The following NUP133 variants were observed in gnomAD, a reference collection of about 807,000 sequenced individuals.
The protein encoded by NUP133 is nucleoporin 133.
Under a neutral mutation model 146.2 loss-of-function variants are expected in NUP133, and 66 were observed. The ratio of observed to expected loss-of-function variants is 0.45; its 90% CI spans 0.37 to 0.55. The LOEUF (loss-of-function observed/expected upper bound fraction) is 0.55, where lower values mean the gene tolerates loss of function less well. Among genes scored for constraint, NUP133 ranks in the 20% least tolerant of loss-of-function variants. NUP133 has a pLI of 0.00. For missense variants in NUP133, 1,277 were observed against 1,374.8 expected, an observed-to-expected ratio of 0.93 and a Z score of 1.12; for synonymous variants, 521 against 498.8, an observed-to-expected ratio of 1.04 and a Z score of -0.59.
At chr1:229,472,301 A>C (rs1022409898) in intron 14 of NUP133, among the ~76,000 whole-genome samples, 17 of 149,460 alleles carry the variant, frequency 1.1e-4, no homozygotes, top group Non-Finnish European at 1.5e-4. Context: ...CCTGGGCGAC[A>C]GAGCGAGACT....
intron 8 of NUP133, among the ~76,000 whole-genome samples, chr1:229,493,771 T>G (rs1365675110): frequency 6.6e-6 from 1 of 152,226 alleles, no homozygotes; most frequent in Non-Finnish European, 1.5e-5. Flanking sequence ...GGGTGGACCC[T>G]GCATAGCAAT....
chr1:229,487,844 T>TA (rs1370997138), intron 9 of NUP133, among the ~76,000 whole-genome samples: 1 of 145,944 alleles, frequency 6.9e-6, no homozygotes, highest in Non-Finnish European at 1.5e-5. Context: ...TTTAATTTTT[T>TA]TTTTTTTTTT....
In NUP133 at chr1:229,505,091, T is replaced by C. The variant is rs968889504; in HGVS notation, c.301+949A>G. Among the ~76,000 whole-genome samples, 9 of 152,322 alleles carry C rather than the reference T, an allele frequency of 5.9e-5. No individual in the cohort carries two copies. In the South Asian group the frequency reaches 1.7e-3, roughly 28 times the overall value. The stretch of plus-strand genomic sequence containing the variant: ...TCAGCTATCGTAAGTGTATTTTATG[T>C]GTGACCCAAGACAATTCTTCTTCCA... On this transcript the variant is annotated intron_variant, in intron 2 of 25. Transcript: ENST00000261396.
intron 25 of NUP133, among the ~76,000 whole-genome samples, chr1:229,442,783 G>A (rs1436263470): frequency 1.3e-5 from 2 of 148,512 alleles, no homozygotes; most frequent in Non-Finnish European, 3.0e-5. Context: ...TCGGCTCACA[G>A]CAACCTCTGC....
chr1:229,476,462 C>T (rs565995139), intron 13 of NUP133, among the ~76,000 whole-genome samples: 1 of 152,142 alleles, frequency 6.6e-6, no homozygotes, highest in South Asian at 2.1e-4. Context: ...GAGTTCCCCT[C>T]GAGTTTCTGA....
In NUP133 at chr1:229,464,807, A is replaced by G; in HGVS notation, c.2368T>C (p.Tyr790His). Residue 790 changes from tyrosine (Y) to histidine (H), a missense_variant, in exon 18 of 26, where the codon TAT becomes CAT. Tyr to His is a moderately conservative substitution (Grantham distance 83). Coordinates refer to ENST00000261396, the MANE Select transcript of NUP133 (RefSeq NM_018230.3). ...CGGAGGTTGCTGTCTGCCTGTGGATAAGCCACCTTCAGGACAATCTCATGC... is the reference window on the plus strand; with the variant it reads ...CGGAGGTTGCTGTCTGCCTGTGGATGAGCCACCTTCAGGACAATCTCATGC... ...RQHEIVLKVA[Y>H]PQADSNLRNI... 1 of 1,614,236 alleles carries G rather than the reference A, an allele frequency of 6.2e-7. No homozygotes were observed. The highest frequency in any genetic ancestry group is 1.1e-5 in the South Asian group (1 of 91,090).
intron 24 of NUP133, chr1:229,448,869 CT>C: frequency 4.1e-6 from 2 of 488,320 alleles, no homozygotes; most frequent in South Asian, 4.9e-5. Flanking sequence ...GCAAAACCCC[CT>C]GGTGCTTAAA....
intron 13 of NUP133, 88 bp downstream of exon 13, chr1:229,477,509 A>C (rs1249822758): frequency 3.0e-6 from 3 of 987,244 alleles, no homozygotes; most frequent in Non-Finnish European, 4.2e-6. Flanking sequence ...TTGTTTGAGA[A>C]GCTAAAAAAT....
chr1:229,446,764 AAAAT>A (rs908531004), intron 24 of NUP133, among the ~76,000 whole-genome samples: 4 of 150,144 alleles, frequency 2.7e-5, no homozygotes, highest in Non-Finnish European at 4.4e-5. Flanking sequence ...ATAAAAAATA[AAAAT>A]AAATAAATAA....
intron 11 of NUP133, among the ~76,000 whole-genome samples, chr1:229,485,262 G>A (rs982309735): frequency 5.9e-5 from 9 of 152,198 alleles, no homozygotes; most frequent in Non-Finnish European, 1.3e-4. Flanking sequence ...GCTGACAGGA[G>A]ATGAGGCCAC....
chr1:229,449,041 T>A, intron 24 of NUP133, 85 bp downstream of exon 24: 1 of 1,016,570 alleles, frequency 9.8e-7, no homozygotes, highest in Non-Finnish European at 1.5e-6. Context: ...GTCACAGAAG[T>A]CTTCTGTTAT....
Position 229,441,832 on chromosome 1 carries a change from G to T in NUP133, c.*72C>A. The T allele has an allele frequency of 1.6e-6, 2 of 1,261,272 alleles. No homozygotes were observed. Among genetic ancestry groups the T allele is most frequent in the Non-Finnish European group, 2.2e-6 (2 of 922,834 alleles). 78.1% of individuals were successfully genotyped at this position (1,261,272 alleles called of 1,614,324 possible). A position where few individuals can be genotyped will look rare whatever the true frequency, so the allele number is the denominator to read the frequency against. On this transcript the variant is annotated 3_prime_UTR_variant, in exon 26 of 26. Transcript: ENST00000261396. The stretch of plus-strand genomic sequence containing the variant: ...TATGAAATTGTACAAACTTACACTT[G>T]TTTATGGCCTAAAATTTGTATAAGG...
intron 8 of NUP133, among the ~76,000 whole-genome samples, chr1:229,494,289 T>C (rs1365048111): frequency 6.6e-6 from 1 of 152,214 alleles, no homozygotes; most frequent in Non-Finnish European, 1.5e-5. Flanking sequence ...ACTATTACTT[T>C]TACCTCTTTG....
chr1:229,454,474 G>A (rs535698568), intron 21 of NUP133, among the ~76,000 whole-genome samples: 3 of 152,148 alleles, frequency 2.0e-5, no homozygotes, highest in Non-Finnish European at 4.4e-5. Flanking sequence ...CAGTACCAGT[G>A]GCTATCTCCG....
At chr1:229,497,989 T>C (rs1163409485) in intron 6 of NUP133, 147 bp downstream of exon 6, 8 of 491,934 alleles carry the variant, frequency 1.6e-5, no homozygotes, top group Non-Finnish European at 2.8e-5. Context: ...CATTTCATCA[T>C]AATAAAAATA....
chr1:229,447,351 C>T (rs1437723558), intron 24 of NUP133, among the ~76,000 whole-genome samples: 1 of 151,950 alleles, frequency 6.6e-6, no homozygotes, highest in African/African-American at 2.4e-5. Flanking sequence ...GTTATAAAAC[C>T]ATTTGACATA....
chr1:229,443,707 T>C (rs1251472410), intron 25 of NUP133, among the ~76,000 whole-genome samples: 2 of 149,806 alleles, frequency 1.3e-5, no homozygotes, highest in African/African-American at 2.5e-5. Context: ...ACATATATAA[T>C]ACACACACAT....
rs1558108831 is a variant in NUP133, at chr1:229,499,796, G to C, written c.536C>G (p.Thr179Ser). The C allele has an allele frequency of 1.2e-6, 2 of 1,613,562 alleles. No homozygotes were observed. Among genetic ancestry groups the C allele is most frequent in the Non-Finnish European group, 1.7e-6 (2 of 1,179,756 alleles). ...STQAVAVMVA[T>S]REGSIRYWPS... is the part of the protein sequence containing the mutation. ...CCAATAGCGGATAGATCCTTCTCTG[G>C]TGGCAACCATGACAGCAACAGCCTC... Residue 179 changes from threonine (T) to serine (S), a missense_variant, in exon 5 of 26, where the codon ACC (threonine) becomes AGC (serine). Physicochemically the swap from Thr to Ser is moderately conservative, Grantham distance 58 (BLOSUM62 1). This residue lies in a region of NUP133 where 319 missense variants were observed against 306.9 expected (regional missense o/e 1.04). Coordinates refer to ENST00000261396, the MANE Select transcript of NUP133 (RefSeq NM_018230.3).
intron 18 of NUP133, among the ~76,000 whole-genome samples, chr1:229,463,900 C>T (rs1009038304): frequency 1.3e-5 from 2 of 152,194 alleles, no homozygotes; most frequent in South Asian, 2.1e-4. Context: ...AATCCCAGCA[C>T]TTTGGGAGGC....
Sources: gnomAD v4.1 joint callset for allele counts (sites outside exome capture counted in the v4.1 genomes callset) on GRCh38, gnomAD v4.1.1 for gene constraint, gnomAD v4.1.1 regional missense constraint, MANE v1.5 for transcripts, NCBI Gene and HGNC (gene_info 2026-07-23, HGNC 2026-07-21) for gene names.